Variants in WWOX observed in about 807,000 individuals in gnomAD.
WWOX encodes WW domain-containing oxidoreductase.
Under a neutral mutation model 46.2 loss-of-function variants are expected in WWOX, and 69 were observed. The ratio of observed to expected loss-of-function variants is 1.49; its 90% CI spans 1.23 to 1.82. The LOEUF is 1.82. WWOX is among the 40% of genes most tolerant of loss of function. WWOX has a pLI of 0.00. For synonymous variants in WWOX, 359 were observed against 202.6 expected (o/e 1.77, Z -6.56); for missense variants, 919 against 542.6 (o/e 1.69, Z -6.89).
chr16:78,804,123 T>C (rs1408402804), intron 8 of WWOX, among the ~76,000 whole-genome samples: 1 of 152,026 alleles, frequency 6.6e-6, no homozygotes, highest in African/African-American at 2.4e-5. Flanking sequence ...GGCAGATGGG[T>C]CAGATAGCAT....
intron 8 of WWOX, among the ~76,000 whole-genome samples, chr16:78,854,652 C>G (rs1007052980): frequency 6.6e-6 from 1 of 152,210 alleles, no homozygotes; most frequent in Non-Finnish European, 1.5e-5. Flanking sequence ...GCGATCTCAG[C>G]TGACTGCAAC....
intron 8 of WWOX, among the ~76,000 whole-genome samples, chr16:78,801,754 G>C (rs953037215): frequency 6.6e-6 from 1 of 152,020 alleles, no homozygotes; most frequent in African/African-American, 2.4e-5. Flanking sequence ...TAGTGTATAT[G>C]GATTGATGAC....
chr16:79,059,164 A>G lies in WWOX; in HGVS notation c.1057-152444A>G, dbSNP rs558307434. Among the ~76,000 whole-genome samples, 10 of 152,366 alleles carry G rather than the reference A, an allele frequency of 6.6e-5. No individual in the cohort carries two copies. In the South Asian group the frequency reaches 2.1e-3, roughly 32 times the overall value. On this transcript the variant is annotated intron_variant, in intron 8 of 8. Coordinates refer to ENST00000566780, the MANE Select transcript of WWOX (RefSeq NM_016373.4). ...CATAAACAGGTGGGAGAATTATGGA[A>G]CAATAATTGTGTTTGCAAGAAATGG...
chr16:78,345,458 C>CAAAAAAA lies in WWOX; in HGVS notation c.517-41372_517-41366dup, dbSNP rs71137889. On this transcript the variant is annotated intron_variant, in intron 5 of 8. Coordinates refer to ENST00000566780, the MANE Select transcript of WWOX (RefSeq NM_016373.4). ...CACCATGGCAAAACCCCATCGCTAC[C>CAAAAAAA]AAAAAAAAAAAAAAAAAAAAAAAAA... 4.1e-4 allele frequency among the ~76,000 whole-genome samples: 11 copies of CAAAAAAA among 26,778 alleles called. 1 individual carries two copies. The highest frequency in any genetic ancestry group is 9.9e-4 in the Admixed American group (2 of 2,030). The allele number at this position is 26,778 out of a possible 152,430, so 17.6% of individuals were successfully genotyped here. A position where few individuals can be genotyped will look rare whatever the true frequency, so the allele number is the denominator to read the frequency against.
chr16:78,944,711 A>C (rs1453476740), intron 8 of WWOX, among the ~76,000 whole-genome samples: 1 of 152,140 alleles, frequency 6.6e-6, no homozygotes, highest in Admixed American at 6.5e-5. Flanking sequence ...GCAAAAGCCA[A>C]CTTGAGACCT....
intron 8 of WWOX, among the ~76,000 whole-genome samples, chr16:79,057,065 G>T (rs941817743): frequency 6.6e-6 from 1 of 152,164 alleles, no homozygotes; most frequent in Non-Finnish European, 1.5e-5. Context: ...TGATTTTGCC[G>T]CCATGGGCCT....
intron 8 of WWOX, among the ~76,000 whole-genome samples, chr16:79,049,090 G>C (rs1567514202): frequency 6.6e-6 from 1 of 152,160 alleles, no homozygotes; most frequent in Non-Finnish European, 1.5e-5. Flanking sequence ...TTAGTGCAGT[G>C]GTCAGCAGAC....
intron 8 of WWOX, chr16:79,203,874 A>G (rs1035192253): frequency 2.0e-5 from 3 of 152,226 alleles, no homozygotes; most frequent in African/African-American, 7.2e-5. Context: ...CGAGCTAGCT[A>G]TAACCATAAC....
chr16:79,116,700 C>T (rs988323929), intron 8 of WWOX, among the ~76,000 whole-genome samples: 8 of 152,092 alleles, frequency 5.3e-5, no homozygotes, highest in Admixed American at 2.0e-4. Flanking sequence ...CCCTCAGAGT[C>T]ACCCAAGAAG....
rs182272104 is a variant in WWOX, at chr16:78,400,590, C to A, written c.605+13642C>A. On this transcript the variant is annotated intron_variant, in intron 6 of 8. Transcript: ENST00000566780. ...TTATTTCCCAACTTGGCCCATGAAT[C>A]CAGCTTGGTTTTTCTCCTCTTACCA... is the stretch of plus-strand genomic sequence containing the variant. 7.3e-3 allele frequency among the ~76,000 whole-genome samples: 1,107 copies of A among 152,112 alleles called. 10 individuals are homozygous for A. Among genetic ancestry groups the A allele is most frequent in the South Asian group, 0.014 (68 of 4,814 alleles).
At chr16:78,965,632 C>T (rs1185155050) in intron 8 of WWOX, among the ~76,000 whole-genome samples, 1 of 151,752 alleles carries the variant, frequency 6.6e-6, no homozygotes, top group Admixed American at 6.6e-5. Flanking sequence ...CTAGAAGATT[C>T]TGGCACTGTT....
At chr16:78,786,019 G>A (rs1165471012) in intron 8 of WWOX, among the ~76,000 whole-genome samples, 1 of 152,190 alleles carries the variant, frequency 6.6e-6, no homozygotes, top group Non-Finnish European at 1.5e-5. Flanking sequence ...CGATTCTCAT[G>A]GCTTAGCCTC....
chr16:78,923,890 C>T (rs187242139), intron 8 of WWOX, among the ~76,000 whole-genome samples: 2 of 149,138 alleles, frequency 1.3e-5, no homozygotes, highest in African/African-American at 2.5e-5. Flanking sequence ...ACCTCCGCCT[C>T]CTGGGTTCAT....
chr16:78,848,807 T>G (rs2052365527), intron 8 of WWOX, among the ~76,000 whole-genome samples: 1 of 152,016 alleles, frequency 6.6e-6, no homozygotes, highest in South Asian at 2.1e-4. Flanking sequence ...CTTTTTTTTT[T>G]TTAACCTCCT....
intron 8 of WWOX, among the ~76,000 whole-genome samples, chr16:79,092,085 G>T (rs754728893): frequency 6.6e-6 from 1 of 151,962 alleles, no homozygotes; most frequent in African/African-American, 2.4e-5. Flanking sequence ...CGGGCCTCAC[G>T]TTTTTCTTTT....
chr16:78,191,977 TAAAG>T (rs1399009645), intron 5 of WWOX, among the ~76,000 whole-genome samples: 2 of 152,174 alleles, frequency 1.3e-5, no homozygotes, highest in Non-Finnish European at 2.9e-5. Flanking sequence ...TGGAATTATA[TAAAG>T]AATGACAAAG....
intron 8 of WWOX, among the ~76,000 whole-genome samples, chr16:78,497,748 CAG>C (rs2084951178): frequency 6.6e-6 from 1 of 151,960 alleles, no homozygotes; most frequent in African/African-American, 2.4e-5. Context: ...ATTACAGGGA[CAG>C]TGGTTGGGTC....
At chr16:78,359,670 A>G (rs1270106695) in intron 5 of WWOX, among the ~76,000 whole-genome samples, 1 of 152,244 alleles carries the variant, frequency 6.6e-6, no homozygotes, top group African/African-American at 2.4e-5. Flanking sequence ...CATTTAAAAA[A>G]ATAAATTTTC....
intron 8 of WWOX, among the ~76,000 whole-genome samples, chr16:78,547,344 A>G (rs2044065512): frequency 2.6e-5 from 4 of 152,110 alleles, no homozygotes; most frequent in Admixed American, 2.6e-4. Flanking sequence ...GATGAAAAAA[A>G]TGAGGGACAG....
Sources: allele counts gnomAD v4.1 joint callset (sites outside exome capture counted in the v4.1 genomes callset), GRCh38; gene constraint gnomAD v4.1.1; transcripts MANE v1.5; gene names NCBI Gene and HGNC (gene_info 2026-07-23, HGNC 2026-07-21).